Variants in ZBTB46 observed in about 807,000 individuals in gnomAD.
ZBTB46 encodes zinc finger and BTB domain-containing protein 46.
A neutral mutation model predicts 44.1 loss-of-function variants in ZBTB46; 8 were observed. The ratio of observed to expected loss-of-function variants is 0.18; its 90% confidence interval spans 0.11 to 0.33. ZBTB46 has a LOEUF of 0.33. Ranked by LOEUF, ZBTB46 falls within the 10% of genes least tolerant of loss-of-function variation. ZBTB46 has a pLI of 1.00. For missense variants in ZBTB46, 651 were observed against 847.7 expected, an observed-to-expected ratio of 0.77 and a Z score of 2.88; for synonymous variants, 409 against 382.3, an observed-to-expected ratio of 1.07 and a Z score of -0.81.
chr20:63,810,672 G>A lies in ZBTB46; in HGVS notation c.-33-19882C>T, dbSNP rs1162404521. ...GAGGCAGGAGAATCGTTTGAACATG[G>A]GAGGCAGAGGTTACAGTGAGCCAAA... On this transcript the variant is annotated intron_variant, in intron 1 of 4. Coordinates refer to ENST00000245663, the MANE Select transcript of ZBTB46 (RefSeq NM_001369741.1). 5.3e-5 allele frequency among the ~76,000 whole-genome samples: 8 copies of A among 152,160 alleles called. 1 individual carries two copies. The highest frequency in any genetic ancestry group is 2.9e-5 in the Non-Finnish European group (2 of 68,036).
At chr20:63,801,157 T>C (rs1448175956) in intron 1 of ZBTB46, among the ~76,000 whole-genome samples, 1 of 152,144 alleles carries the variant, frequency 6.6e-6, no homozygotes, top group Non-Finnish European at 1.5e-5. Flanking sequence ...TGTGTCTAGC[T>C]GATCCGGTGG....
chr20:63,746,981 C>A lies in ZBTB46; in HGVS notation c.1719G>T (p.Arg573=). 1.2e-6 allele frequency: 2 copies of A among 1,604,792 alleles called. No homozygotes were observed. The highest frequency in any genetic ancestry group is 1.3e-5 in the African/African-American group (1 of 74,968). ...ADDKDEEDSP[R]PRSPPGGPDK... is the part of the protein sequence containing the mutation. ...CAGGGCCTCCTGGGGGGCTGCGCGG[C>A]CGCGGCGAGTCTTCCTCATCCTTGT... Residue 573 remains arginine (R), a synonymous_variant, in exon 5 of 5, where the codon CGG becomes CGT. Coordinates refer to ENST00000245663, the MANE Select transcript of ZBTB46 (RefSeq NM_001369741.1).
chr20:63,823,033 C>T (rs1159237780), intron 1 of ZBTB46, among the ~76,000 whole-genome samples: 2 of 108,822 alleles, frequency 1.8e-5, no homozygotes, highest in Non-Finnish European at 3.7e-5. Context: ...GGCATGGTGG[C>T]GCGCACCTGT....
chr20:63,770,310 G>T (rs1257902575), intron 3 of ZBTB46, among the ~76,000 whole-genome samples: 1 of 152,188 alleles, frequency 6.6e-6, no homozygotes, highest in East Asian at 1.9e-4. Flanking sequence ...GAGCCTAAAT[G>T]ACAGTTTTCA....
chr20:63,793,225 C>T (rs567965794), intron 1 of ZBTB46, among the ~76,000 whole-genome samples: 2 of 152,182 alleles, frequency 1.3e-5, no homozygotes, highest in Non-Finnish European at 1.5e-5. Context: ...CGTGTGGGTG[C>T]GAGCAGAACA....
chr20:63,827,627 AC>A (rs1346738540), intron 1 of ZBTB46, among the ~76,000 whole-genome samples: 13 of 126,186 alleles, frequency 1.0e-4, no homozygotes, highest in Admixed American at 4.3e-4. Flanking sequence ...AAAAAAAAAA[AC>A]AAAAAAAAAA....
Position 63,765,772 on chromosome 20 carries a change from G to A in ZBTB46, c.1222+9906C>T, listed in dbSNP as rs556929169. Among the ~76,000 whole-genome samples the A allele has an allele frequency of 3.9e-5, 6 of 152,338 alleles. No homozygotes were observed. In the South Asian group the frequency reaches 1.0e-3, roughly 26 times the overall value. ...TCTGTGTAGTTTCAGGGGAAAGAAT[G>A]TTAGAAGTAGGGATAAAGTCATACT... On this transcript the variant is annotated intron_variant, in intron 3 of 4. Coordinates refer to ENST00000245663, the MANE Select transcript of ZBTB46 (RefSeq NM_001369741.1).
intron 4 of ZBTB46, among the ~76,000 whole-genome samples, chr20:63,748,459 G>A (rs1471346702): frequency 6.6e-6 from 1 of 152,220 alleles, no homozygotes; most frequent in African/African-American, 2.4e-5. Context: ...CAGGGATGGG[G>A]AGAGGTGGCC....
At chr20:63,819,592 CA>C (rs1480782871) in intron 1 of ZBTB46, among the ~76,000 whole-genome samples, 1 of 152,134 alleles carries the variant, frequency 6.6e-6, no homozygotes, top group Non-Finnish European at 1.5e-5. Flanking sequence ...CTGAAGAAAG[CA>C]AAAACAGCAA....
intron 1 of ZBTB46, among the ~76,000 whole-genome samples, chr20:63,805,524 G>A (rs1337693261): frequency 1.3e-5 from 2 of 152,134 alleles, no homozygotes; most frequent in African/African-American, 4.8e-5. Context: ...GGCAGAAACT[G>A]GAGTGACAAA....
chr20:63,765,789 A>G (rs1568842614), intron 3 of ZBTB46, among the ~76,000 whole-genome samples: 1 of 152,234 alleles, frequency 6.6e-6, no homozygotes, highest in Non-Finnish European at 1.5e-5. Flanking sequence ...GTAGGGATAA[A>G]GTCATACTGC....
In ZBTB46 at chr20:63,771,274, C is replaced by CG. The variant is rs979338943; in HGVS notation, c.1222+4403dup. ...GCGCATTTCCAGAGCTGCAAGATGG[C>CG]GGGGGGGCTACGCCACAAGCTGCAA... is the stretch of plus-strand genomic sequence containing the variant. On this transcript the variant is annotated intron_variant, in intron 3 of 4. Transcript: ENST00000245663. Among the ~76,000 whole-genome samples, 15 of 151,910 alleles carry CG rather than the reference C, an allele frequency of 9.9e-5. 1 individual carries two copies. Among genetic ancestry groups the CG allele is most frequent in the Non-Finnish European group, 1.5e-4 (10 of 67,932 alleles).
intron 1 of ZBTB46, among the ~76,000 whole-genome samples, chr20:63,816,818 G>T: frequency 6.6e-6 from 1 of 152,148 alleles, no homozygotes; most frequent in African/African-American, 2.4e-5. Context: ...AAAAGGAAAA[G>T]GCCAGGCCTG....
chr20:63,759,687 A>G (rs2092256448), intron 3 of ZBTB46, among the ~76,000 whole-genome samples: 1 of 152,218 alleles, frequency 6.6e-6, no homozygotes, highest in Non-Finnish European at 1.5e-5. Context: ...CCAACTCTGA[A>G]TATAAGTGGT....
intron 3 of ZBTB46, 92 bp downstream of exon 3, chr20:63,775,586 C>G: frequency 1.5e-5 from 22 of 1,458,858 alleles, no homozygotes; most frequent in Non-Finnish European, 2.0e-5. Context: ...CAGGGACAGA[C>G]CCTCAGCCTC....
intron 1 of ZBTB46, among the ~76,000 whole-genome samples, chr20:63,807,268 G>C (rs995839852): frequency 3.3e-5 from 5 of 152,186 alleles, no homozygotes; most frequent in African/African-American, 1.2e-4. Context: ...AATAACTGTA[G>C]TGAAAGTTTC....
chr20:63,796,350 G>A (rs75004420), intron 1 of ZBTB46, among the ~76,000 whole-genome samples: 5,820 of 152,250 alleles, frequency 0.038, 152 homozygotes, highest in Non-Finnish European at 0.058. Flanking sequence ...GCGGCGTCCC[G>A]GGCCTCCGGC....
intron 1 of ZBTB46, among the ~76,000 whole-genome samples, chr20:63,809,932 G>A (rs140832083): frequency 3.0e-4 from 46 of 150,992 alleles, no homozygotes; most frequent in Admixed American, 7.9e-4. Flanking sequence ...ACTGTACTCC[G>A]GCATGGGTGA....
chr20:63,788,760 A>C (rs1377394257), intron 2 of ZBTB46, among the ~76,000 whole-genome samples: 1 of 151,192 alleles, frequency 6.6e-6, no homozygotes, highest in Non-Finnish European at 1.5e-5. Flanking sequence ...AATCACTTGA[A>C]TCCGGGAGAC....
Sources: allele counts gnomAD v4.1 joint callset (sites outside exome capture counted in the v4.1 genomes callset), GRCh38; gene constraint gnomAD v4.1.1; transcripts MANE v1.5; gene names NCBI Gene and HGNC (gene_info 2026-07-23, HGNC 2026-07-21).